Variants in COL2A1 observed in about 807,000 individuals in gnomAD.
The protein encoded by COL2A1 is collagen type II alpha 1 chain.
COL2A1 carries 28 observed loss-of-function variants against 204.5 expected under a neutral mutation model. That is an observed-to-expected ratio of 0.14 (90% confidence interval 0.10 to 0.19). The LOEUF is 0.19. Among genes scored for constraint, COL2A1 ranks in the 10% least tolerant of loss-of-function variants. The probability of loss-of-function intolerance (pLI) is 1.00; values close to 1 mark genes in which losing one functional copy is unlikely to be tolerated. For synonymous variants in COL2A1, 708 were observed against 718.7 expected, an observed-to-expected ratio of 0.99 and a Z score of 0.24; for missense variants, 1,388 against 2,027.5, an observed-to-expected ratio of 0.68 and a Z score of 6.06.
Position 47,996,614 on chromosome 12 carries a change from G to C in COL2A1, c.543C>G (p.Ala181=). Residue 181 remains alanine, a synonymous_variant, in exon 8 of 54, where the codon GCC becomes GCG. Transcript: ENST00000380518. ...TTTCATCAAATCCTCCAGCCATCTGGGCAGCAAAGTTCTGCAAAGAAACCC... is the reference window on the plus strand; with the variant it reads ...TTTCATCAAATCCTCCAGCCATCTGCGCAGCAAAGTTCTGCAAAGAAACCC... ...GPPGLGGNFA[A]QMAGGFDEKA... is the part of the protein sequence containing the mutation. The C allele has an allele frequency of 6.2e-7, 1 of 1,614,094 alleles. No individual in the cohort carries two copies. The highest frequency in any genetic ancestry group is 8.5e-7 in the Non-Finnish European group (1 of 1,180,018).
Position 47,982,930 on chromosome 12 carries a change from G to T in COL2A1, c.2111C>A (p.Pro704Gln). ...LVGPRGERGFPGERGSPGAQG... is the reference protein window; with the variant it reads ...LVGPRGERGFQGERGSPGAQG... Reference sequence around the variant, plus strand: ...GGCACCGGGAGAGCCACGTTCACCTGGGAAACCTCGTTCACCCTGCGGCAG... The same window carrying T: ...GGCACCGGGAGAGCCACGTTCACCTTGGAAACCTCGTTCACCCTGCGGCAG... Residue 704 changes from proline to glutamine, a missense_variant, in exon 33 of 54, where the codon CCA becomes CAA. Around this residue, in one of 3 missense-constraint regions of COL2A1, gnomAD observed 884 missense variants for 1,415.8 expected, o/e 0.62. Coordinates refer to ENST00000380518, the MANE Select transcript of COL2A1 (RefSeq NM_001844.5). The T allele has an allele frequency of 6.2e-7, 1 of 1,613,600 alleles. No individual in the cohort carries two copies. The highest frequency in any genetic ancestry group is 8.5e-7 in the Non-Finnish European group (1 of 1,179,920).
Position 47,995,781 on chromosome 12 carries a change from G to T in COL2A1, c.655-18C>A, listed in dbSNP as rs777588788. On this transcript the variant is annotated intron_variant, in intron 9 of 53. Coordinates refer to ENST00000380518, the MANE Select transcript of COL2A1 (RefSeq NM_001844.5). ...TGAGGCCCCTAAAAAGTAAAATGAGGATACCAGGTCAATCCCTATAAACTG... is the reference window on the plus strand; with the variant it reads ...TGAGGCCCCTAAAAAGTAAAATGAGTATACCAGGTCAATCCCTATAAACTG... 1 of 1,613,860 alleles carries T rather than the reference G, an allele frequency of 6.2e-7. No homozygotes were observed. Among genetic ancestry groups the T allele is most frequent in the East Asian group, 2.2e-5 (1 of 44,872 alleles).
chr12:48,005,551 C>T (rs903404227), upstream of COL2A1: 2 of 152,264 alleles, frequency 1.3e-5, no homozygotes, highest in African/African-American at 4.8e-5. Context: ...GCCCCCTAGC[C>T]CTCCGCTTGC....
At chr12:47,977,560 C>A (rs746371369) in intron 45 of COL2A1, 40 bp downstream of exon 45, 1 of 1,612,962 alleles carries the variant, frequency 6.2e-7, no homozygotes, top group East Asian at 2.2e-5. Context: ...GAGGCAATGT[C>A]CTCCCCAACC....
chr12:47,983,774 C>G (rs1223142644), intron 29 of COL2A1, 38 bp from the exon 30 acceptor site: 1 of 1,561,214 alleles, frequency 6.4e-7, no homozygotes, highest in Admixed American at 1.9e-5. Flanking sequence ...AGCCAGTGTT[C>G]CAGAGACCCT....
chr12:47,981,353 C>A lies in COL2A1; in HGVS notation c.2453G>T (p.Arg818Leu), dbSNP rs376834551. 3.1e-6 allele frequency: 5 copies of A among 1,612,986 alleles called. No individual in the cohort carries two copies. In the Admixed American group the frequency reaches 6.7e-5, roughly 22 times the overall value. The change falls in exon 37 of 54, where the codon CGT (arginine) becomes CTT (leucine). Residue 818 changes from arginine (R) to leucine (L), a missense_variant. By Grantham distance (102) the Arg-to-Leu change is moderately radical. Transcript: ENST00000380518. ...PPGPAGSAGA[R>L]GAPGERGETG... is the part of the protein sequence containing the mutation. The stretch of plus-strand genomic sequence containing the variant: ...GGGGCAGACACTCACCGGAGCGCCA[C>A]GAGCACCAGCACTTCCTGCAGGACC...
At position 47,993,867 on chromosome 12, in the gene COL2A1, G is replaced by A. The variant is rs369642814; in HGVS notation, c.871-5C>T. The A allele has an allele frequency of 1.7e-5, 27 of 1,614,014 alleles. No homozygotes were observed. The highest frequency in any genetic ancestry group is 1.0e-4 in the Admixed American group (6 of 60,002). On this transcript the variant is annotated splice_region_variant and splice_polypyrimidine_tract_variant and intron_variant, in intron 13 of 53. Coordinates refer to ENST00000380518, the MANE Select transcript of COL2A1 (RefSeq NM_001844.5). ...ACCGTCCAGGCCTGGATAACCCTAGGGAACAAGAGAAAATGTTCAATCAGA... is the reference window on the plus strand; with the variant it reads ...ACCGTCCAGGCCTGGATAACCCTAGAGAACAAGAGAAAATGTTCAATCAGA...
chr12:47,982,366 G>A (rs1344457774), intron 34 of COL2A1, 136 bp downstream of exon 34: 1 of 825,786 alleles, frequency 1.2e-6, no homozygotes, highest in Non-Finnish European at 2.0e-6. Flanking sequence ...GCTTTGGAAA[G>A]GAGTCTTTAA....
At chr12:47,981,107 G>C in intron 37 of COL2A1, 139 bp from the exon 38 acceptor site, 1 of 937,160 alleles carries the variant, frequency 1.1e-6, no homozygotes, top group Non-Finnish European at 1.6e-6. Flanking sequence ...AGTCCTGAAC[G>C]CAGGCAGAGG....
intron 1 of COL2A1, among the ~76,000 whole-genome samples, chr12:48,003,385 A>C (rs918288744): frequency 6.6e-6 from 1 of 152,094 alleles, no homozygotes; most frequent in African/African-American, 2.4e-5. Context: ...TTAGAAAAGT[A>C]ACTCATTGTA....
Position 47,994,530 on chromosome 12 carries a change from TG to T in COL2A1, c.763-54del, listed in dbSNP as rs1196687636. ...CTTCCTCAGAGACGCAGTAGCATAG[TG>T]GGGGCACCCCAGAGGGCTTCCCTCC... On this transcript the variant is annotated intron_variant, in intron 11 of 53. Transcript: ENST00000380518. The T allele has an allele frequency of 3.8e-6, 6 of 1,599,894 alleles. No individual in the cohort carries two copies. In the East Asian group the frequency reaches 1.1e-4, roughly 30 times the overall value.
chr12:47,982,434 G>A, intron 34 of COL2A1, 68 bp downstream of exon 34: 2 of 1,327,148 alleles, frequency 1.5e-6, no homozygotes. Flanking sequence ...GGGAACGGAA[G>A]CGATCACAAG....
intron 32 of COL2A1, 26 bp downstream of exon 32, chr12:47,983,067 C>T: frequency 6.2e-7 from 1 of 1,613,468 alleles, no homozygotes; most frequent in Non-Finnish European, 8.5e-7. Context: ...AAGGAGGCAG[C>T]CCGCATTGGC....
Position 47,976,375 on chromosome 12 carries a change from G to A in COL2A1, c.3489+139C>T. 3.1e-6 allele frequency: 3 copies of A among 962,984 alleles called. No homozygotes were observed. Among genetic ancestry groups the A allele is most frequent in the East Asian group, 2.5e-5 (1 of 39,738 alleles). The allele number at this position is 962,984 out of a possible 1,614,324, so 59.7% of individuals were successfully genotyped here. On this transcript the variant is annotated intron_variant, in intron 49 of 53. Coordinates refer to ENST00000380518, the MANE Select transcript of COL2A1 (RefSeq NM_001844.5). This position sits in a 1 kb window ranked among gnomAD's most constrained non-coding sequence, Gnocchi z 4.3. ...CGCTTTTCTGGCCATAGGCACATGAGCCAGTCCTGCCCCCATTACTGAGTG... is the reference window on the plus strand; with the variant it reads ...CGCTTTTCTGGCCATAGGCACATGAACCAGTCCTGCCCCCATTACTGAGTG...
chr12:47,990,037 T>C (rs1939633565), intron 16 of COL2A1, among the ~76,000 whole-genome samples: 1 of 152,192 alleles, frequency 6.6e-6, no homozygotes, highest in South Asian at 2.1e-4. Context: ...AGACGGAGTC[T>C]GGCTCTGTCG....
chr12:47,975,254 C>A, intron 51 of COL2A1, 63 bp downstream of exon 51: 1 of 1,593,294 alleles, frequency 6.3e-7, no homozygotes, highest in South Asian at 1.1e-5. Context: ...TCCTCCCTTG[C>A]TGCTAGGCCT....
chr12:47,995,145 C>T (rs1939892256), intron 11 of COL2A1, 110 bp downstream of exon 11: 4 of 924,062 alleles, frequency 4.3e-6, no homozygotes, highest in Non-Finnish European at 7.2e-6. Flanking sequence ...CAGTCTTGCT[C>T]CTCAAGATAC....
rs945197488 is a variant in COL2A1 at position 47,999,705 on chromosome 12, T to A, written c.292+214A>T. ...TCTTGGAAGCAAATGTTTTTGGAGA[T>A]GTTGGGCAAAGAAGGACCCCTCTAG... On this transcript the variant is annotated intron_variant, in intron 2 of 53. Transcript: ENST00000380518. 5 of 494,614 alleles carry A rather than the reference T, an allele frequency of 1.0e-5. No homozygotes were observed. The African/African-American group carries it at 1.0e-4, about 10-fold the overall frequency. 30.6% of individuals were successfully genotyped at this position (494,614 alleles called of 1,614,324 possible). A position where few individuals can be genotyped will look rare whatever the true frequency, so the allele number is the denominator to read the frequency against.
intron 1 of COL2A1, 85 bp downstream of exon 1, chr12:48,004,152 C>G: frequency 9.3e-7 from 1 of 1,080,982 alleles, no homozygotes; most frequent in Non-Finnish European, 1.4e-6. Flanking sequence ...GAGCCGCGGG[C>G]TCCAGAGCTG....
Sources: allele counts gnomAD v4.1 joint callset (sites outside exome capture counted in the v4.1 genomes callset), GRCh38; gene constraint gnomAD v4.1.1; regional missense constraint gnomAD v4.1.1; non-coding constraint Gnocchi (gnomAD v3.1); transcripts MANE v1.5; gene names NCBI Gene and HGNC (gene_info 2026-07-23, HGNC 2026-07-21).